The following UNC5C variants were observed in gnomAD, a reference collection of about 807,000 sequenced individuals.
The protein encoded by UNC5C is netrin receptor UNC5C.
In UNC5C, 47 loss-of-function variants were observed where a neutral mutation model predicts 99.8. The ratio of observed to expected loss-of-function variants is 0.47; its 90% CI spans 0.37 to 0.60. The LOEUF (loss-of-function observed/expected upper bound fraction) is 0.60, where lower values mean the gene tolerates loss of function less well. Among genes scored for constraint, UNC5C ranks in the 20% least tolerant of loss-of-function variants. The pLI is 0.00. For missense variants in UNC5C, 1,062 were observed against 1,165.9 expected (o/e 0.91, Z 1.30); for synonymous variants, 487 against 452.2 (o/e 1.08, Z -0.98).
At chr4:95,243,209 T>C (rs990392505) in intron 6 of UNC5C, among the ~76,000 whole-genome samples, 3 of 152,200 alleles carry the variant, frequency 2.0e-5, no homozygotes, top group Non-Finnish European at 4.4e-5. Flanking sequence ...TTTCATTTAT[T>C]ATTTGATGAT....
chr4:95,201,047 C>T (rs1336820112), intron 12 of UNC5C, among the ~76,000 whole-genome samples: 3 of 152,168 alleles, frequency 2.0e-5, no homozygotes, highest in Non-Finnish European at 4.4e-5. Context: ...AGCAAAATGT[C>T]AGCAGTTCCT....
intron 2 of UNC5C, among the ~76,000 whole-genome samples, chr4:95,330,778 T>C (rs1743081272): frequency 6.6e-6 from 1 of 152,138 alleles, no homozygotes; most frequent in South Asian, 2.1e-4. Flanking sequence ...CAATTAATAA[T>C]GGTATCTGTG....
intron 1 of UNC5C, among the ~76,000 whole-genome samples, chr4:95,543,932 G>A (rs1048364781): frequency 3.3e-5 from 5 of 152,168 alleles, no homozygotes; most frequent in Admixed American, 2.6e-4. Context: ...GATCTACTCC[G>A]CAGCATCTCT....
intron 4 of UNC5C, among the ~76,000 whole-genome samples, chr4:95,257,102 C>G (rs1444975891): frequency 6.6e-6 from 1 of 152,078 alleles, no homozygotes; most frequent in Non-Finnish European, 1.5e-5. Flanking sequence ...ATCTTTCAAT[C>G]CAATCAAGTT....
chr4:95,410,813 G>T (rs757386966), intron 1 of UNC5C, among the ~76,000 whole-genome samples: 1 of 152,084 alleles, frequency 6.6e-6, no homozygotes, highest in Non-Finnish European at 1.5e-5. Flanking sequence ...CACCCTGCTC[G>T]CCCAGTGTAC....
chr4:95,250,033 T>A (rs1459893526), intron 5 of UNC5C, among the ~76,000 whole-genome samples: 3 of 152,128 alleles, frequency 2.0e-5, no homozygotes, highest in Non-Finnish European at 4.4e-5. Flanking sequence ...ATCTTGGTGG[T>A]GCAGGTTCTG....
intron 12 of UNC5C, 96 bp from the exon 13 acceptor site, chr4:95,185,292 G>T: frequency 6.9e-7 from 1 of 1,450,156 alleles, no homozygotes. Context: ...CCTCCTGAAT[G>T]GCAGGCGGAA....
chr4:95,467,718 T>C (rs1016316810), intron 1 of UNC5C, among the ~76,000 whole-genome samples: 3 of 152,136 alleles, frequency 2.0e-5, no homozygotes, highest in Non-Finnish European at 2.9e-5. Flanking sequence ...ACCCTTCACA[T>C]AGCCAAAAAT....
chr4:95,530,821 C>A lies in UNC5C; in HGVS notation c.124+17913G>T, dbSNP rs139667581. Among the ~76,000 whole-genome samples, 569 of 152,176 alleles carry A rather than the reference C, an allele frequency of 3.7e-3. 6 individuals carry two copies. Among genetic ancestry groups the A allele is most frequent in the African/African-American group, 0.013 (548 of 41,540 alleles). ...AATTGAAAACTGCTGCTGAAAGGTG[C>A]ATTTTTGTGCAGCACTTGACAAGTA... On this transcript the variant is annotated intron_variant, in intron 1 of 15. Transcript: ENST00000453304.
intron 7 of UNC5C, among the ~76,000 whole-genome samples, chr4:95,229,801 T>TC (rs1408975390): frequency 2.0e-5 from 2 of 102,534 alleles, no homozygotes; most frequent in African/African-American, 1.1e-4. Context: ...TGTTTCCTTT[T>TC]TTTTTTTTTT....
Position 95,215,000 on chromosome 4 carries a change from A to G in UNC5C, c.1733+1124T>C, listed in dbSNP as rs572156194. Among the ~76,000 whole-genome samples the G allele has an allele frequency of 5.3e-5, 8 of 152,286 alleles. No individual in the cohort carries two copies. In the South Asian group the frequency reaches 6.2e-4, roughly 12 times the overall value. On this transcript the variant is annotated intron_variant, in intron 10 of 15. Transcript: ENST00000453304. Reference sequence around the variant, plus strand: ...GGCATGAATAATGCTCAAGAATTGTATTATTTTCTTAGACAGGCTAGTATT... The same window carrying G: ...GGCATGAATAATGCTCAAGAATTGTGTTATTTTCTTAGACAGGCTAGTATT...
chr4:95,178,794 A>C (rs1205206294), intron 14 of UNC5C, among the ~76,000 whole-genome samples: 1 of 152,204 alleles, frequency 6.6e-6, no homozygotes, highest in African/African-American at 2.4e-5. Flanking sequence ...TCAGCATTTC[A>C]TGTGGGCATT....
intron 1 of UNC5C, among the ~76,000 whole-genome samples, chr4:95,491,079 G>A (rs1721476565): frequency 6.6e-6 from 1 of 151,266 alleles, no homozygotes; most frequent in Admixed American, 6.6e-5. Context: ...GTAAGATGAG[G>A]GGGATCACAA....
At chr4:95,448,672 T>G (rs1747192273) in intron 1 of UNC5C, among the ~76,000 whole-genome samples, 1 of 152,162 alleles carries the variant, frequency 6.6e-6, no homozygotes, top group Admixed American at 6.5e-5. Flanking sequence ...TATGTTCCTT[T>G]AATAAATTGA....
At chr4:95,478,143 C>T (rs1721003137) in intron 1 of UNC5C, among the ~76,000 whole-genome samples, 1 of 151,954 alleles carries the variant, frequency 6.6e-6, no homozygotes, top group South Asian at 2.1e-4. Context: ...TACACCCACT[C>T]TTAATTGACA....
intron 1 of UNC5C, among the ~76,000 whole-genome samples, chr4:95,499,527 C>T (rs1308413658): frequency 6.6e-6 from 1 of 152,224 alleles, no homozygotes; most frequent in African/African-American, 2.4e-5. Flanking sequence ...CACTCCCATG[C>T]ACTTTTCATG....
chr4:95,214,957 T>C (rs1044201321), intron 10 of UNC5C, among the ~76,000 whole-genome samples: 2 of 152,220 alleles, frequency 1.3e-5, no homozygotes, highest in Non-Finnish European at 2.9e-5. Flanking sequence ...TAGTGATTTT[T>C]CTGTTGCTCA....
At chr4:95,289,185 C>T (rs1373768118) in intron 3 of UNC5C, among the ~76,000 whole-genome samples, 1 of 152,204 alleles carries the variant, frequency 6.6e-6, no homozygotes, top group African/African-American at 2.4e-5. Flanking sequence ...TGTCAATGTA[C>T]TCATTTACAT....
intron 1 of UNC5C, among the ~76,000 whole-genome samples, chr4:95,523,234 A>G (rs1164680625): frequency 6.6e-6 from 1 of 152,196 alleles, no homozygotes; most frequent in East Asian, 1.9e-4. Context: ...GAAACCTACC[A>G]GGCAAAGCAG....
Sources: allele counts gnomAD v4.1 joint callset (sites outside exome capture counted in the v4.1 genomes callset), GRCh38; gene constraint gnomAD v4.1.1; transcripts MANE v1.5; gene names NCBI Gene and HGNC (gene_info 2026-07-23, HGNC 2026-07-21).